Variants in UBE2G1 observed in about 807,000 individuals in gnomAD.
The protein encoded by UBE2G1 is ubiquitin conjugating enzyme E2 G1, also known as ubiquitin-conjugating enzyme E2 G1.
UBE2G1 carries 5 observed loss-of-function variants against 22.7 expected under a neutral mutation model. That is an observed-to-expected ratio of 0.22 (90% CI 0.12 to 0.46). The LOEUF is 0.46. Among genes scored for constraint, UBE2G1 ranks in the 20% least tolerant of loss-of-function variants. The pLI is 0.99. For synonymous variants in UBE2G1, 74 were observed against 67.5 expected (o/e 1.10, Z -0.47); for missense variants, 88 against 203.9 (o/e 0.43, Z 3.46).
chr17:4,286,101 G>A (rs1236760396), intron 4 of UBE2G1, among the ~76,000 whole-genome samples: 2 of 151,716 alleles, frequency 1.3e-5, no homozygotes, highest in East Asian at 3.9e-4. Context: ...TATGAGAGAA[G>A]AAAAAGCAAG....
rs372430245 is a variant in UBE2G1, at chr17:4,324,272, C to A, written c.47-17149G>T. ...ACTTTCTAATATAATAGCCACTAGT[C>A]GCATGTGGCTACTGAGCACCTAAGA... On this transcript the variant is annotated intron_variant, in intron 1 of 5. Transcript: ENST00000396981. Among the ~76,000 whole-genome samples the A allele has an allele frequency of 2.0e-4, 30 of 152,274 alleles. No homozygotes were observed. The East Asian group carries it at 3.1e-3, about 16-fold the overall frequency.
chr17:4,336,773 A>T (rs892509271), intron 1 of UBE2G1, among the ~76,000 whole-genome samples: 7 of 152,164 alleles, frequency 4.6e-5, no homozygotes, highest in African/African-American at 7.2e-5. Flanking sequence ...ACCCAGCCAG[A>T]ACAAAAATTT....
At chr17:4,272,931 G>T (rs1485416454) in intron 5 of UBE2G1, among the ~76,000 whole-genome samples, 1 of 152,180 alleles carries the variant, frequency 6.6e-6, no homozygotes, top group Non-Finnish European at 1.5e-5. Context: ...AAAGCCAAGT[G>T]ATTTGGAAAT....
chr17:4,337,023 A>G (rs575419096), intron 1 of UBE2G1, among the ~76,000 whole-genome samples: 6 of 152,326 alleles, frequency 3.9e-5, no homozygotes, highest in African/African-American at 1.4e-4. Flanking sequence ...CCCTTAATGC[A>G]GTAGACTTGA....
chr17:4,315,275 A>C (rs1341688969), intron 1 of UBE2G1, among the ~76,000 whole-genome samples: 2 of 152,312 alleles, frequency 1.3e-5, no homozygotes, highest in South Asian at 2.1e-4. Context: ...AATTTTCCTC[A>C]AAAGATTTTT....
chr17:4,347,204 T>C (rs1445553980), intron 1 of UBE2G1, among the ~76,000 whole-genome samples: 2 of 152,128 alleles, frequency 1.3e-5, no homozygotes, highest in Admixed American at 6.6e-5. Context: ...TCTAAAATGC[T>C]TGGGACCAAA....
intron 1 of UBE2G1, among the ~76,000 whole-genome samples, chr17:4,337,845 T>A (rs1969667092): frequency 6.6e-6 from 1 of 151,886 alleles, no homozygotes; most frequent in South Asian, 2.1e-4. Flanking sequence ...GTTACTCAAG[T>A]AAGATAACAG....
chr17:4,297,186 C>T (rs1019817340), intron 2 of UBE2G1, among the ~76,000 whole-genome samples: 6 of 152,186 alleles, frequency 3.9e-5, no homozygotes, highest in Non-Finnish European at 5.9e-5. Flanking sequence ...ACTAGCCAGT[C>T]GTCTTTCTAT....
In UBE2G1 at chr17:4,290,644, CTTT is replaced by C. The variant is rs372483601; in HGVS notation, c.248-1239_248-1237del. Among the ~76,000 whole-genome samples the C allele has an allele frequency of 3.6e-5, 5 of 138,254 alleles. No individual in the cohort carries two copies. In the South Asian group the frequency reaches 1.2e-3, roughly 32 times the overall value. The allele number at this position is 138,254 out of a possible 152,430, so 90.7% of individuals were successfully genotyped here. A position where few individuals can be genotyped will look rare whatever the true frequency, so the allele number is the denominator to read the frequency against. ...ATGGCATGATGCCTGGCTAACCTGA[CTTT>C]TTTTTTTTTTTTGGTAGAGATGGGG... is the stretch of plus-strand genomic sequence containing the variant. On this transcript the variant is annotated intron_variant, in intron 3 of 5. Coordinates refer to ENST00000396981, the MANE Select transcript of UBE2G1 (RefSeq NM_003342.5).
intron 1 of UBE2G1, among the ~76,000 whole-genome samples, chr17:4,331,610 T>C (rs1312839136): frequency 6.6e-6 from 1 of 152,178 alleles, no homozygotes; most frequent in Non-Finnish European, 1.5e-5. Flanking sequence ...TCTTCCCTCC[T>C]AAGAAGTTAA....
At chr17:4,335,879 C>A (rs1166925951) in intron 1 of UBE2G1, among the ~76,000 whole-genome samples, 2 of 152,170 alleles carry the variant, frequency 1.3e-5, no homozygotes, top group Admixed American at 1.3e-4. Context: ...GACACTGTAG[C>A]TCTCACCTAT....
intron 5 of UBE2G1, among the ~76,000 whole-genome samples, chr17:4,278,088 C>CG (rs1968842152): frequency 6.6e-6 from 1 of 152,122 alleles, no homozygotes; most frequent in Non-Finnish European, 1.5e-5. Flanking sequence ...TTAGTGGAGA[C>CG]GGGGTTTCAC....
At chr17:4,294,495 A>G (rs373038812) in intron 3 of UBE2G1, among the ~76,000 whole-genome samples, 3 of 152,086 alleles carry the variant, frequency 2.0e-5, no homozygotes, top group Admixed American at 1.3e-4. Flanking sequence ...CTTAAAACAA[A>G]ACACACCACC....
At chr17:4,350,569 G>C (rs915080726) in intron 1 of UBE2G1, among the ~76,000 whole-genome samples, 23 of 152,072 alleles carry the variant, frequency 1.5e-4, no homozygotes, top group African/African-American at 5.3e-4. Context: ...AACAGTGTCA[G>C]TCTCCAAATT....
chr17:4,318,999 G>GA (rs1360285502), intron 1 of UBE2G1, among the ~76,000 whole-genome samples: 2 of 152,086 alleles, frequency 1.3e-5, no homozygotes, highest in African/African-American at 2.4e-5. Context: ...AAAGGAAAGT[G>GA]AAAAACAGAC....
chr17:4,283,273 G>A (rs1232710629), intron 4 of UBE2G1, among the ~76,000 whole-genome samples: 1 of 152,272 alleles, frequency 6.6e-6, no homozygotes, highest in African/African-American at 2.4e-5. Flanking sequence ...AGCAAGCTGG[G>A]AGGCCGAGGT....
chr17:4,320,378 T>C (rs1481104338), intron 1 of UBE2G1, among the ~76,000 whole-genome samples: 1 of 152,218 alleles, frequency 6.6e-6, no homozygotes, highest in Non-Finnish European at 1.5e-5. Flanking sequence ...AATTAATCTC[T>C]TCTTGCGATA....
chr17:4,284,277 T>C (rs1968932023), intron 4 of UBE2G1, among the ~76,000 whole-genome samples: 1 of 151,944 alleles, frequency 6.6e-6, no homozygotes, highest in Non-Finnish European at 1.5e-5. Flanking sequence ...ATATAAACTT[T>C]ATATAAATAT....
Position 4,366,439 on chromosome 17 carries a change from G to T in UBE2G1, c.-123C>A. On this transcript the variant is annotated 5_prime_UTR_variant, in exon 1 of 6. Coordinates refer to ENST00000396981, the MANE Select transcript of UBE2G1 (RefSeq NM_003342.5). ...CCCGCGACCGGAGCGCCGGAGCCGAGGAAGGCCGGGCTGAGGCGGCGGGAG... is the reference window on the plus strand; with the variant it reads ...CCCGCGACCGGAGCGCCGGAGCCGATGAAGGCCGGGCTGAGGCGGCGGGAG... 9.7e-7 allele frequency: 1 copy of T among 1,029,006 alleles called. No homozygotes were observed. The highest frequency in any genetic ancestry group is 1.3e-6 in the Non-Finnish European group (1 of 776,656). The allele number at this position is 1,029,006 out of a possible 1,614,324, so 63.7% of individuals were successfully genotyped here.
Sources: gnomAD v4.1 joint callset for allele counts (sites outside exome capture counted in the v4.1 genomes callset) on GRCh38, gnomAD v4.1.1 for gene constraint, MANE v1.5 for transcripts, NCBI Gene and HGNC (gene_info 2026-07-23, HGNC 2026-07-21) for gene names.